The following DROSHA variants were observed in gnomAD, a reference collection of about 807,000 sequenced individuals.
DROSHA encodes the protein ribonuclease 3.
Under a neutral mutation model 181.9 loss-of-function variants are expected in DROSHA, and 56 were observed. The ratio of observed to expected loss-of-function variants is 0.31; its 90% CI spans 0.25 to 0.38. The LOEUF (loss-of-function observed/expected upper bound fraction) is 0.38. DROSHA is among the 10% of genes least tolerant of loss of function. The pLI is 1.00. For synonymous variants in DROSHA, 524 were observed against 591.2 expected, an observed-to-expected ratio of 0.89 and a Z score of 1.65; for missense variants, 1,218 against 1,743.5, an observed-to-expected ratio of 0.70 and a Z score of 5.37.
intron 6 of DROSHA, among the ~76,000 whole-genome samples, chr5:31,520,060 T>C (rs1227308363): frequency 6.6e-6 from 1 of 152,194 alleles, no homozygotes. Context: ...TCCATCTTTT[T>C]TTAGTGTTCA....
At chr5:31,448,722 A>G (rs1442787293) in intron 22 of DROSHA, 115 bp from the exon 23 acceptor site, 4 of 754,134 alleles carry the variant, frequency 5.3e-6, no homozygotes, top group Admixed American at 2.6e-5. Context: ...AAGGTTTGGA[A>G]TCTACCTGTC....
chr5:31,443,896 T>C (rs1009788276), intron 23 of DROSHA, among the ~76,000 whole-genome samples: 2 of 152,198 alleles, frequency 1.3e-5, no homozygotes, highest in African/African-American at 4.8e-5. Flanking sequence ...GAGTACCTGT[T>C]CTGTGAAAGG....
chr5:31,479,507 G>T (rs1181801386), intron 16 of DROSHA, among the ~76,000 whole-genome samples: 1 of 152,080 alleles, frequency 6.6e-6, no homozygotes, highest in Non-Finnish European at 1.5e-5. Flanking sequence ...TGAAAGTGAA[G>T]AAAATATAAG....
intron 23 of DROSHA, among the ~76,000 whole-genome samples, chr5:31,447,101 A>G (rs1437565973): frequency 6.6e-6 from 1 of 152,184 alleles, no homozygotes; most frequent in Non-Finnish European, 1.5e-5. Flanking sequence ...AGCGAATGAG[A>G]TCATGTCCTT....
chr5:31,424,828 C>T (rs987442616), intron 27 of DROSHA, among the ~76,000 whole-genome samples: 6 of 152,034 alleles, frequency 3.9e-5, no homozygotes, highest in African/African-American at 1.5e-4. Flanking sequence ...ATCAGCTGTG[C>T]CTTTTGTAAT....
chr5:31,439,604 T>C (rs1745314626), intron 23 of DROSHA, among the ~76,000 whole-genome samples: 1 of 152,208 alleles, frequency 6.6e-6, no homozygotes, highest in Non-Finnish European at 1.5e-5. Context: ...TGTTAATCTC[T>C]TACTGTGTGT....
At chr5:31,459,663 G>A (rs547625879) in intron 20 of DROSHA, among the ~76,000 whole-genome samples, 3 of 152,274 alleles carry the variant, frequency 2.0e-5, no homozygotes, top group Admixed American at 6.5e-5. Flanking sequence ...TGAATCTCTA[G>A]AGATGTTACT....
At chr5:31,423,017 C>G in intron 28 of DROSHA, 73 bp from the exon 29 acceptor site, 1 of 1,301,600 alleles carries the variant, frequency 7.7e-7, no homozygotes, top group Non-Finnish European at 9.9e-7. Context: ...AATTCTAGGA[C>G]AGTGTTTTGT....
chr5:31,526,123 G>GT lies in DROSHA; in HGVS notation c.809dup (p.Asp270GlufsTer43). 5 of 1,610,554 alleles carry GT rather than the reference G, an allele frequency of 3.1e-6. No homozygotes were observed. The highest frequency in any genetic ancestry group is 4.2e-6 in the Non-Finnish European group (5 of 1,177,228). On this transcript the variant is annotated frameshift_variant, in exon 5 of 36. Coordinates refer to ENST00000344624, the MANE Select transcript of DROSHA (RefSeq NM_001382508.1). LOFTEE classifies it high-confidence loss of function. ...GGTGGCGAGATGGTGTTCTCCCTCG[G>GT]TCATAATCAGATCTGTACCGGCTGT...
intron 16 of DROSHA, among the ~76,000 whole-genome samples, chr5:31,478,350 C>T (rs542439302): frequency 1.8e-4 from 28 of 152,306 alleles, no homozygotes; most frequent in East Asian, 3.9e-4. Context: ...CGAAAGTTTA[C>T]GAATTTGTGA....
intron 23 of DROSHA, among the ~76,000 whole-genome samples, chr5:31,438,874 G>C (rs765439277): frequency 2.2e-4 from 34 of 152,160 alleles, no homozygotes; most frequent in Non-Finnish European, 4.0e-4. Flanking sequence ...ACCTGGCCAG[G>C]GAGGTAGGAG....
intron 16 of DROSHA, among the ~76,000 whole-genome samples, chr5:31,479,843 C>T (rs897746193): frequency 2.0e-5 from 3 of 151,950 alleles, no homozygotes; most frequent in East Asian, 1.9e-4. Flanking sequence ...TTTTCTGTTA[C>T]ATATATACCA....
intron 30 of DROSHA, 44 bp from the exon 31 acceptor site, chr5:31,410,931 T>C (rs1019918143): frequency 5.6e-6 from 9 of 1,609,256 alleles, no homozygotes; most frequent in African/African-American, 1.3e-5. Context: ...CATTTCACTT[T>C]TGACCTCTCT....
At chr5:31,495,812 G>A (rs1302280730) in intron 11 of DROSHA, among the ~76,000 whole-genome samples, 3 of 152,250 alleles carry the variant, frequency 2.0e-5, no homozygotes, top group African/African-American at 7.2e-5. Context: ...AGGAACTCAT[G>A]AGGCTTGCCG....
Position 31,511,026 on chromosome 5 carries a change from C to G in DROSHA, c.1432+9G>C. On this transcript the variant is annotated intron_variant, in intron 9 of 35. Coordinates refer to ENST00000344624, the MANE Select transcript of DROSHA (RefSeq NM_001382508.1). The stretch of plus-strand genomic sequence containing the variant: ...AAGGGTCTCAGGCTAGTTAGTGACT[C>G]TGACTCACCTAAATCTTCATCGAGC... 1 of 1,613,888 alleles carries G rather than the reference C, an allele frequency of 6.2e-7. No homozygotes were observed. Among genetic ancestry groups the G allele is most frequent in the East Asian group, 2.2e-5 (1 of 44,884 alleles).
At chr5:31,444,493 C>T (rs2150010511) in intron 23 of DROSHA, among the ~76,000 whole-genome samples, 1 of 152,234 alleles carries the variant, frequency 6.6e-6, no homozygotes, top group Non-Finnish European at 1.5e-5. Context: ...TACTTTGTAA[C>T]AGAGCAAAAG....
intron 26 of DROSHA, 75 bp downstream of exon 26, chr5:31,431,501 A>C: frequency 6.7e-7 from 1 of 1,482,814 alleles, no homozygotes; most frequent in Non-Finnish European, 9.3e-7. Flanking sequence ...CCAAGTTTCC[A>C]CACTAAATTT....
At chr5:31,448,633 C>T (rs772234007) in intron 22 of DROSHA, 26 bp from the exon 23 acceptor site, 3 of 1,550,876 alleles carry the variant, frequency 1.9e-6, no homozygotes, top group Non-Finnish European at 2.7e-6. Flanking sequence ...AACAAATACA[C>T]AAGTAAATAC....
intron 23 of DROSHA, among the ~76,000 whole-genome samples, chr5:31,438,655 T>C (rs1304068832): frequency 6.6e-6 from 1 of 152,066 alleles, no homozygotes; most frequent in African/African-American, 2.4e-5. Context: ...AGAGATCCAG[T>C]AGAGTGCTAC....
Sources: gnomAD v4.1 joint callset for allele counts (sites outside exome capture counted in the v4.1 genomes callset) on GRCh38, gnomAD v4.1.1 for gene constraint, MANE v1.5 for transcripts, NCBI Gene and HGNC (gene_info 2026-07-23, HGNC 2026-07-21) for gene names.